HPSE2: variants seen among roughly 807,000 people sequenced by gnomAD.
The protein encoded by HPSE2 is heparanase 2 (inactive).
A neutral mutation model predicts 60.5 loss-of-function variants in HPSE2; 38 were observed. The ratio of observed to expected loss-of-function variants is 0.63; its 90% CI spans 0.48 to 0.82. The LOEUF is 0.82. HPSE2 is among the 40% of genes least tolerant of loss of function. The pLI, the probability that HPSE2 is intolerant of heterozygous loss-of-function variation, is 0.00. For missense variants in HPSE2, 713 were observed against 740.4 expected (o/e 0.96, Z 0.43); for synonymous variants, 295 against 293.2 (o/e 1.01, Z -0.06).
At chr10:99,262,895 A>T in the HPSE2 span, among the ~76,000 whole-genome samples, 1 of 152,134 alleles carries the variant, frequency 6.6e-6, no homozygotes. Flanking sequence ...TTCCTTAAAA[A>T]ACAGCCCTAA....
chr10:98,614,000 T>C (rs1945830626), intron 9 of HPSE2, among the ~76,000 whole-genome samples: 1 of 152,198 alleles, frequency 6.6e-6, no homozygotes, highest in Admixed American at 6.5e-5. Context: ...TTCTAGTTTA[T>C]TTTTCTCTTT....
intron 3 of HPSE2, among the ~76,000 whole-genome samples, chr10:98,974,980 T>G (rs898214125): frequency 6.6e-6 from 1 of 152,248 alleles, no homozygotes; most frequent in Non-Finnish European, 1.5e-5. Context: ...TATTCTAGTA[T>G]TCAATATAGC....
At chr10:98,638,386 A>G (rs573605526) in intron 7 of HPSE2, among the ~76,000 whole-genome samples, 2 of 152,144 alleles carry the variant, frequency 1.3e-5, no homozygotes, top group Non-Finnish European at 2.9e-5. Context: ...CGGAGCTTGC[A>G]GTGAGCTGAG....
intron 4 of HPSE2, among the ~76,000 whole-genome samples, chr10:98,734,656 C>G (rs1949305816): frequency 6.6e-6 from 1 of 152,114 alleles, no homozygotes; most frequent in African/African-American, 2.4e-5. Flanking sequence ...TGTATATCCT[C>G]TTTGGAGACA....
At chr10:98,579,049 A>C (rs1260626724) in intron 9 of HPSE2, among the ~76,000 whole-genome samples, 1 of 152,164 alleles carries the variant, frequency 6.6e-6, no homozygotes, top group African/African-American at 2.4e-5. Flanking sequence ...TGGGGCTCCC[A>C]GATCTATACC....
the HPSE2 span, among the ~76,000 whole-genome samples, chr10:99,271,100 A>G: frequency 6.6e-6 from 1 of 152,156 alleles, no homozygotes; most frequent in South Asian, 2.1e-4. Context: ...CACTCTCACC[A>G]CTTCTATTCA....
intron 3 of HPSE2, among the ~76,000 whole-genome samples, chr10:98,916,704 A>T (rs748765737): frequency 6.6e-6 from 1 of 152,132 alleles, no homozygotes; most frequent in Non-Finnish European, 1.5e-5. Context: ...TTGTTTCTTG[A>T]TTTCTTTCAA....
At chr10:98,968,421 C>G (rs772254892) in intron 3 of HPSE2, among the ~76,000 whole-genome samples, 32 of 152,106 alleles carry the variant, frequency 2.1e-4, no homozygotes, top group Non-Finnish European at 8.8e-5. Context: ...ACTAGTATAA[C>G]CACTACAGAA....
intron 7 of HPSE2, among the ~76,000 whole-genome samples, chr10:98,623,177 T>C (rs371271428): frequency 6.6e-6 from 1 of 152,148 alleles, no homozygotes; most frequent in Non-Finnish European, 1.5e-5. Context: ...TTAACATAAA[T>C]GAACCTTGAA....
chr10:98,474,944 C>T (rs1940936296), intron 11 of HPSE2, among the ~76,000 whole-genome samples: 1 of 152,066 alleles, frequency 6.6e-6, no homozygotes, highest in Non-Finnish European at 1.5e-5. Flanking sequence ...CCCAACAACC[C>T]CAAAACACCC....
intron 3 of HPSE2, among the ~76,000 whole-genome samples, chr10:98,749,139 G>A (rs1330794930): frequency 2.0e-5 from 3 of 152,114 alleles, no homozygotes. Flanking sequence ...TTAGGAAAAT[G>A]TAGATAAGGG....
chr10:99,126,414 C>A lies in HPSE2; in HGVS notation c.610+17824G>T, dbSNP rs1159356176. 6.6e-6 allele frequency among the ~76,000 whole-genome samples: 1 copy of A among 151,978 alleles called. No homozygotes were observed. The highest frequency in any genetic ancestry group is 1.5e-5 in the Non-Finnish European group (1 of 67,992). ...AGACAGCTCATCCAAGCTTTATGGC[C>A]CCACCCATCGCCTGGGAAACCAGAA... is the stretch of plus-strand genomic sequence containing the variant. On this transcript the variant is annotated intron_variant, in intron 3 of 11. Coordinates refer to ENST00000370552, the MANE Select transcript of HPSE2 (RefSeq NM_021828.5). This position sits in a 1 kb window ranked among gnomAD's most constrained non-coding sequence, Gnocchi z 4.0.
intron 3 of HPSE2, among the ~76,000 whole-genome samples, chr10:98,986,940 C>A (rs1355037177): frequency 6.6e-6 from 1 of 151,990 alleles, no homozygotes; most frequent in Non-Finnish European, 1.5e-5. Context: ...AAGACTAAAC[C>A]AGGAAGAAGC....
At chr10:99,287,825 T>C in the HPSE2 span, among the ~76,000 whole-genome samples, 1 of 152,208 alleles carries the variant, frequency 6.6e-6, no homozygotes, top group Admixed American at 6.5e-5. Flanking sequence ...CTTTAATAAC[T>C]GGTAAATAAG....
chr10:98,494,190 A>G (rs544782971), intron 9 of HPSE2, among the ~76,000 whole-genome samples: 5 of 152,344 alleles, frequency 3.3e-5, no homozygotes, highest in African/African-American at 9.6e-5. Flanking sequence ...CAGAAAGGGT[A>G]CACCTGCAAG....
chr10:99,001,421 C>T (rs920050388), intron 3 of HPSE2, among the ~76,000 whole-genome samples: 5 of 152,040 alleles, frequency 3.3e-5, no homozygotes, highest in African/African-American at 7.2e-5. Context: ...TTCACTGTAA[C>T]GAAATTCTCT....
intron 3 of HPSE2, among the ~76,000 whole-genome samples, chr10:98,893,295 G>A (rs1250577290): frequency 3.9e-5 from 6 of 152,056 alleles, no homozygotes; most frequent in South Asian, 4.1e-4. Context: ...TCGAACTCCC[G>A]ATCTCAGATG....
At chr10:99,236,252 G>A (rs556433420), upstream of HPSE2, among the ~76,000 whole-genome samples, 79 of 152,158 alleles carry the variant, frequency 5.2e-4, 1 homozygote, top group South Asian at 0.016. Context: ...AGGAAGCAGA[G>A]GGAGGAATCC....
the HPSE2 span, among the ~76,000 whole-genome samples, chr10:99,276,443 G>T: frequency 2.6e-5 from 4 of 152,036 alleles, no homozygotes; most frequent in African/African-American, 9.7e-5. Context: ...CCAGCCCAGG[G>T]TTTTTCACTA....
Sources: allele counts gnomAD v4.1 joint callset (sites outside exome capture counted in the v4.1 genomes callset), GRCh38; gene constraint gnomAD v4.1.1; non-coding constraint Gnocchi (gnomAD v3.1); transcripts MANE v1.5; gene names NCBI Gene and HGNC (gene_info 2026-07-23, HGNC 2026-07-21).